PTPRN2: variants seen among roughly 807,000 people sequenced by gnomAD.
PTPRN2 encodes protein tyrosine phosphatase receptor type N2, also known as receptor-type tyrosine-protein phosphatase N2.
PTPRN2 carries 74 observed loss-of-function variants against 118.8 expected under a neutral mutation model. That is an observed-to-expected ratio of 0.62 (90% CI 0.52 to 0.76). PTPRN2 has a LOEUF of 0.76. Among genes scored for constraint, PTPRN2 ranks in the 30% least tolerant of loss-of-function variants. The pLI, the probability that PTPRN2 is intolerant of heterozygous loss-of-function variation, is 0.00. For missense variants in PTPRN2, 1,481 were observed against 1,394.4 expected (o/e 1.06, Z -0.99); for synonymous variants, 641 against 608.0 (o/e 1.05, Z -0.80).
At chr7:157,655,321 G>A (rs1224565952) in intron 14 of PTPRN2, among the ~76,000 whole-genome samples, 1 of 152,190 alleles carries the variant, frequency 6.6e-6, no homozygotes, top group Non-Finnish European at 1.5e-5. Flanking sequence ...CCCACCAGAC[G>A]TCAGCTGTTT....
intron 2 of PTPRN2, among the ~76,000 whole-genome samples, chr7:158,374,470 C>T (rs1810343808): frequency 6.6e-6 from 1 of 152,124 alleles, no homozygotes; most frequent in East Asian, 1.9e-4. Context: ...CTCCTGGACA[C>T]TAGCCCGAGA....
chr7:157,758,544 C>G (rs768027691), intron 12 of PTPRN2, among the ~76,000 whole-genome samples: 13 of 152,228 alleles, frequency 8.5e-5, no homozygotes, highest in Non-Finnish European at 1.6e-4. Flanking sequence ...TAAAGGGAGC[C>G]GAGGCAGGTG....
rs566185865 is a variant in PTPRN2 at position 158,574,587 on chromosome 7, G to A, written c.112+12971C>T. Among the ~76,000 whole-genome samples the A allele has an allele frequency of 2.0e-5, 3 of 152,346 alleles. No homozygotes were observed. The highest frequency in any genetic ancestry group is 1.9e-4 in the East Asian group (1 of 5,190). Reference sequence around the variant, plus strand: ...TTGGGCTTCCTTCCTAAGGTTAGATGTGGGGCAGCTCTGGCAGAAGAGTGA... The same window carrying A: ...TTGGGCTTCCTTCCTAAGGTTAGATATGGGGCAGCTCTGGCAGAAGAGTGA... On this transcript the variant is annotated intron_variant, in intron 1 of 22. Transcript: ENST00000389418. This position sits in a 1 kb window ranked among gnomAD's most constrained non-coding sequence, Gnocchi z 4.6.
rs1206935389 is a variant in PTPRN2 at position 158,416,494 on chromosome 7, G to A, written c.163+73241C>T. 2.0e-5 allele frequency among the ~76,000 whole-genome samples: 3 copies of A among 152,252 alleles called. No homozygotes were observed. The South Asian group carries it at 6.2e-4, about 31-fold the overall frequency. On this transcript the variant is annotated intron_variant, in intron 2 of 22. Transcript: ENST00000389418. ...TGGCTGCATGGGGATTGGCCAGGGT[G>A]CCTGTCACTCAGCTCAGCACAGACA...
At chr7:157,967,208 A>T (rs112900143) in intron 11 of PTPRN2, among the ~76,000 whole-genome samples, 2,222 of 152,288 alleles carry the variant, frequency 0.015, 61 homozygotes, top group African/African-American at 0.051. Context: ...TTACAGTCCC[A>T]GCTACTTGGG....
intron 1 of PTPRN2, among the ~76,000 whole-genome samples, chr7:158,494,241 T>C (rs919880629): frequency 1.3e-5 from 2 of 152,192 alleles, no homozygotes; most frequent in Non-Finnish European, 2.9e-5. Flanking sequence ...CTTCCTCCCA[T>C]CTCTGGGCGT....
chr7:157,958,311 G>A (rs1801309549), intron 11 of PTPRN2, among the ~76,000 whole-genome samples: 1 of 152,114 alleles, frequency 6.6e-6, no homozygotes, highest in African/African-American at 2.4e-5. Flanking sequence ...GGTAAAAGAT[G>A]GAAGACTTTT....
chr7:157,935,474 G>A (rs568260724), intron 11 of PTPRN2, among the ~76,000 whole-genome samples: 13 of 152,280 alleles, frequency 8.5e-5, no homozygotes, highest in East Asian at 1.9e-4. Context: ...AAATCTACAC[G>A]TGGTTCTTCT....
chr7:158,028,679 G>A (rs1436927391), intron 11 of PTPRN2: 1 of 152,314 alleles, frequency 6.6e-6, no homozygotes, highest in Non-Finnish European at 1.5e-5. Flanking sequence ...AACACTGTTT[G>A]AACAGTAGTG....
intron 14 of PTPRN2, among the ~76,000 whole-genome samples, chr7:157,631,687 C>T (rs963256601): frequency 6.6e-6 from 1 of 152,170 alleles, no homozygotes; most frequent in African/African-American, 2.4e-5. Flanking sequence ...AAAAAATTAG[C>T]CAGGCGTGGT....
At chr7:158,356,466 T>C (rs1036103955) in intron 2 of PTPRN2, among the ~76,000 whole-genome samples, 9 of 152,226 alleles carry the variant, frequency 5.9e-5, no homozygotes, top group African/African-American at 1.9e-4. Context: ...GAGTATCTTT[T>C]TGTTGCTTCC....
At chr7:158,121,530 G>C (rs1042056420) in intron 9 of PTPRN2, among the ~76,000 whole-genome samples, 1 of 152,146 alleles carries the variant, frequency 6.6e-6, no homozygotes. Flanking sequence ...ATCAATGTTT[G>C]CTACCAAATT....
chr7:158,268,261 G>A (rs73746448), intron 3 of PTPRN2, among the ~76,000 whole-genome samples: 2,122 of 149,366 alleles, frequency 0.014, 45 homozygotes, highest in African/African-American at 0.049. Flanking sequence ...CACACAGAGC[G>A]GGGTGTGAAA....
intron 3 of PTPRN2, among the ~76,000 whole-genome samples, chr7:158,264,027 C>T (rs1158185258): frequency 6.6e-6 from 1 of 152,234 alleles, no homozygotes; most frequent in Non-Finnish European, 1.5e-5. Flanking sequence ...CACTCTCACG[C>T]TTCCCACCTT....
At chr7:158,484,105 C>T (rs933545861) in intron 2 of PTPRN2, among the ~76,000 whole-genome samples, 1 of 152,226 alleles carries the variant, frequency 6.6e-6, no homozygotes, top group Non-Finnish European at 1.5e-5. Flanking sequence ...GATTGCACCA[C>T]TGCACGCCAA....
intron 8 of PTPRN2, among the ~76,000 whole-genome samples, chr7:158,134,662 G>A (rs1202115887): frequency 1.3e-5 from 2 of 152,052 alleles, no homozygotes; most frequent in African/African-American, 2.4e-5. Context: ...TGATTCTAAC[G>A]ATACCTGAGG....
intron 2 of PTPRN2, among the ~76,000 whole-genome samples, chr7:158,395,258 T>C (rs1172464067): frequency 7.9e-6 from 1 of 126,570 alleles, no homozygotes; most frequent in Non-Finnish European, 1.6e-5. Flanking sequence ...TGCGGGCACC[T>C]GCGCCCAGGG....
chr7:157,983,512 G>A (rs1803477192), intron 11 of PTPRN2, among the ~76,000 whole-genome samples: 1 of 152,218 alleles, frequency 6.6e-6, no homozygotes, highest in African/African-American at 2.4e-5. Flanking sequence ...TCCCACCCCA[G>A]CTTCCAGGTG....
intron 6 of PTPRN2, among the ~76,000 whole-genome samples, chr7:158,158,270 A>G (rs1033121820): frequency 1.3e-5 from 2 of 152,244 alleles, no homozygotes; most frequent in African/African-American, 4.8e-5. Context: ...TACTGCTGTC[A>G]CCGTGAAAAG....
Sources: allele counts gnomAD v4.1 joint callset (sites outside exome capture counted in the v4.1 genomes callset), GRCh38; gene constraint gnomAD v4.1.1; non-coding constraint Gnocchi (gnomAD v3.1); transcripts MANE v1.5; gene names NCBI Gene and HGNC (gene_info 2026-07-23, HGNC 2026-07-21).